Variants in PIK3C2G observed in about 807,000 individuals in gnomAD.
The protein encoded by PIK3C2G is phosphatidylinositol-4-phosphate 3-kinase catalytic subunit type 2 gamma.
PIK3C2G carries 168 observed loss-of-function variants against 181.1 expected under a neutral mutation model. That is an observed-to-expected ratio of 0.93 (90% confidence interval 0.82 to 1.05). The LOEUF is 1.05. Ranked by LOEUF, PIK3C2G falls within the 50% of genes least tolerant of loss-of-function variation. The pLI is 0.00. For synonymous variants in PIK3C2G, 573 were observed against 592.2 expected (o/e 0.97, Z 0.47); for missense variants, 1,869 against 1,732.8 (o/e 1.08, Z -1.40).
the PIK3C2G span, among the ~76,000 whole-genome samples, chr12:18,705,976 C>T: frequency 6.6e-6 from 1 of 151,802 alleles, no homozygotes; most frequent in African/African-American, 2.4e-5. Flanking sequence ...CCTGTAATCC[C>T]AGCACTTTGG....
chr12:18,578,231 T>C (rs1197162661), intron 29 of PIK3C2G, among the ~76,000 whole-genome samples: 1 of 152,176 alleles, frequency 6.6e-6, no homozygotes, highest in African/African-American at 2.4e-5. Context: ...AAGCTTACAG[T>C]CTGTGTCTAT....
At chr12:18,408,903 T>A (rs1443181439) in intron 16 of PIK3C2G, among the ~76,000 whole-genome samples, 1 of 152,132 alleles carries the variant, frequency 6.6e-6, no homozygotes. Flanking sequence ...AAACAACAGA[T>A]GCTGGAGAGG....
chr12:18,252,130 G>T (rs1482658104), intron 1 of PIK3C2G, among the ~76,000 whole-genome samples: 1 of 152,018 alleles, frequency 6.6e-6, no homozygotes, highest in Non-Finnish European at 1.5e-5. Flanking sequence ...TTACTTCTCA[G>T]GCAAATATAG....
At chr12:18,700,806 T>C in the PIK3C2G span, among the ~76,000 whole-genome samples, 2 of 152,164 alleles carry the variant, frequency 1.3e-5, no homozygotes, top group Admixed American at 6.6e-5. Flanking sequence ...ACATGCAACC[T>C]AATATACTTT....
At chr12:18,555,957 C>T (rs1289808098) in intron 26 of PIK3C2G, among the ~76,000 whole-genome samples, 3 of 152,104 alleles carry the variant, frequency 2.0e-5, no homozygotes, top group Non-Finnish European at 4.4e-5. Flanking sequence ...TTGGACTGCT[C>T]TTCTCTAAGG....
At chr12:18,285,182 C>T (rs984346418) in intron 2 of PIK3C2G, 2 of 152,064 alleles carry the variant, frequency 1.3e-5, no homozygotes, top group Admixed American at 6.6e-5. Context: ...AAACTTGTCA[C>T]TCAAAACAAT....
At chr12:18,663,263 T>C in the PIK3C2G span, among the ~76,000 whole-genome samples, 1 of 152,180 alleles carries the variant, frequency 6.6e-6, no homozygotes, top group African/African-American at 2.4e-5. Flanking sequence ...GACATCTAAA[T>C]TTGAAAAGAA....
chr12:18,529,851 T>C (rs1369843492), intron 24 of PIK3C2G, among the ~76,000 whole-genome samples: 3 of 152,068 alleles, frequency 2.0e-5, no homozygotes, highest in African/African-American at 7.2e-5. Context: ...CTTGAATTTG[T>C]GGGAAAGGTG....
At chr12:18,558,115 T>C (rs1945106185) in intron 26 of PIK3C2G, among the ~76,000 whole-genome samples, 2 of 152,116 alleles carry the variant, frequency 1.3e-5, no homozygotes, top group Admixed American at 6.5e-5. Flanking sequence ...TACTATAAAG[T>C]TCCAGCTATT....
chr12:18,675,397 G>C, the PIK3C2G span, among the ~76,000 whole-genome samples: 2 of 152,150 alleles, frequency 1.3e-5, no homozygotes, highest in African/African-American at 4.8e-5. Flanking sequence ...GCAGATAAAA[G>C]AGAATATTGA....
intron 24 of PIK3C2G, among the ~76,000 whole-genome samples, chr12:18,524,206 C>A (rs1404999601): frequency 6.6e-6 from 1 of 152,186 alleles, no homozygotes; most frequent in African/African-American, 2.4e-5. Context: ...CTCCAACTCA[C>A]ATTTGTCTCT....
intron 13 of PIK3C2G, among the ~76,000 whole-genome samples, chr12:18,381,516 G>A (rs981759192): frequency 6.6e-6 from 1 of 152,002 alleles, no homozygotes; most frequent in Non-Finnish European, 1.5e-5. Context: ...AAACCACTGT[G>A]GGCAAATAAT....
At chr12:18,296,293 C>T (rs1449431713) in intron 5 of PIK3C2G, among the ~76,000 whole-genome samples, 1 of 152,070 alleles carries the variant, frequency 6.6e-6, no homozygotes, top group Non-Finnish European at 1.5e-5. Context: ...TGTTCTCAAA[C>T]TTTAAAGTGT....
At chr12:18,246,798 C>T (rs1948044591), upstream of PIK3C2G, among the ~76,000 whole-genome samples, 1 of 152,114 alleles carries the variant, frequency 6.6e-6, no homozygotes, top group Admixed American at 6.5e-5. Flanking sequence ...GTGGACAGGT[C>T]TAGGACAACC....
intron 24 of PIK3C2G, among the ~76,000 whole-genome samples, chr12:18,511,382 A>C (rs760415876): frequency 2.0e-5 from 3 of 152,030 alleles, no homozygotes; most frequent in Non-Finnish European, 4.4e-5. Flanking sequence ...TTCTATTTTT[A>C]GTTTCTAGAG....
At chr12:18,561,319 T>C (rs933183699) in intron 26 of PIK3C2G, among the ~76,000 whole-genome samples, 2 of 152,088 alleles carry the variant, frequency 1.3e-5, no homozygotes, top group Non-Finnish European at 2.9e-5. Flanking sequence ...AATAAAAAAA[T>C]GGAGGTGGGT....
intron 24 of PIK3C2G, among the ~76,000 whole-genome samples, chr12:18,507,918 G>T (rs1221378281): frequency 2.0e-5 from 3 of 152,214 alleles, no homozygotes; most frequent in East Asian, 3.8e-4. Context: ...TGATGCTACA[G>T]CAGCTACTGC....
At chr12:18,391,005 A>G (rs1943498763) in intron 14 of PIK3C2G, 117 bp from the exon 15 acceptor site, 1 of 647,204 alleles carries the variant, frequency 1.5e-6, no homozygotes, top group Non-Finnish European at 2.2e-6. Flanking sequence ...TAAATAGCAC[A>G]GAAAAAATAG....
At chr12:18,391,724 C>T (rs11044064) in intron 15 of PIK3C2G, among the ~76,000 whole-genome samples, 19,652 of 152,018 alleles carry the variant, frequency 0.13, 1,306 homozygotes, top group African/African-American at 0.16. Context: ...TTGAATAGAA[C>T]CAAAATCCCA....
Sources: allele counts gnomAD v4.1 joint callset (sites outside exome capture counted in the v4.1 genomes callset), GRCh38; gene constraint gnomAD v4.1.1; transcripts MANE v1.5; gene names NCBI Gene and HGNC (gene_info 2026-07-23, HGNC 2026-07-21).